The following TRABD2A variants were observed in gnomAD, a reference collection of about 807,000 sequenced individuals.
TRABD2A encodes the protein TraB domain containing 2A, also known as metalloprotease TIKI1.
Under a neutral mutation model 45.6 loss-of-function variants are expected in TRABD2A, and 43 were observed. The ratio of observed to expected loss-of-function variants is 0.94; its 90% CI spans 0.74 to 1.22. The LOEUF is 1.22. TRABD2A is among the 50% of genes most tolerant of loss of function. The probability of loss-of-function intolerance (pLI) is 0.00; values close to 1 mark genes in which losing one functional copy is unlikely to be tolerated. For synonymous variants in TRABD2A, 269 were observed against 265.0 expected (o/e 1.02, Z -0.15); for missense variants, 642 against 652.4 (o/e 0.98, Z 0.17).
At chr2:84,845,338 C>T (rs992367793) in intron 2 of TRABD2A, among the ~76,000 whole-genome samples, 8 of 152,158 alleles carry the variant, frequency 5.3e-5, no homozygotes, top group Non-Finnish European at 1.0e-4. Flanking sequence ...GGCAACAGAG[C>T]AAGATTCCTT....
At position 84,821,934 on chromosome 2, in the gene TRABD2A, C is replaced by G; in HGVS notation, c.1501G>C (p.Glu501Gln). The G allele has an allele frequency of 6.2e-7, 1 of 1,602,364 alleles. No homozygotes were observed. The highest frequency in any genetic ancestry group is 8.5e-7 in the Non-Finnish European group (1 of 1,174,294). Residue 501 changes from glutamate (E) to glutamine (Q), a missense_variant, in exon 7 of 7, where the codon GAG (glutamate) becomes CAG (glutamine). By Grantham distance (29) the Glu-to-Gln change is conservative (BLOSUM62 2). Coordinates refer to ENST00000409520, the MANE Select transcript of TRABD2A (RefSeq NM_001277053.2). ...TCCAGTCGTTACAGGAGGGGTGTCT[C>G]TGTTTGGAAAGCCAGCACCAGCACC... ...FWVLVLAFQT[E>Q]TPLL
chr2:84,822,037 G>A lies in TRABD2A; in HGVS notation c.1398C>T (p.Leu466=). The change falls in exon 7 of 7, where the codon CTC becomes CTT. Residue 466 remains leucine, a synonymous_variant. Transcript: ENST00000409520. ...LDRHISTELR[L]PRRGHSHHSQ... ...TGTGGTGGGAATGCCCACGGCGAGG[G>A]AGCCGCAGTTCAGTGGAGATGTGCC... 1 of 1,592,024 alleles carries A rather than the reference G, an allele frequency of 6.3e-7. No homozygotes were observed. Among genetic ancestry groups the A allele is most frequent in the Non-Finnish European group, 8.6e-7 (1 of 1,169,524 alleles).
intron 2 of TRABD2A, among the ~76,000 whole-genome samples, chr2:84,848,700 C>T (rs887746962): frequency 2.0e-4 from 31 of 151,824 alleles, no homozygotes; most frequent in African/African-American, 6.0e-4. Flanking sequence ...CTCAGCCACC[C>T]GAGTAGCTGG....
At chr2:84,828,788 C>G (rs577998855) in intron 5 of TRABD2A, among the ~76,000 whole-genome samples, 4 of 152,156 alleles carry the variant, frequency 2.6e-5, no homozygotes, top group African/African-American at 9.7e-5. Context: ...GATCCTTGTC[C>G]GGAAGGCTCT....
At chr2:84,865,232 A>AG (rs1682638748) in intron 2 of TRABD2A, among the ~76,000 whole-genome samples, 1 of 152,140 alleles carries the variant, frequency 6.6e-6, no homozygotes, top group African/African-American at 2.4e-5. Flanking sequence ...GTGGGGAAAA[A>AG]AAAAGAGAAA....
intron 2 of TRABD2A, among the ~76,000 whole-genome samples, chr2:84,852,528 G>A (rs1175548939): frequency 5.9e-5 from 9 of 152,168 alleles, no homozygotes; most frequent in Admixed American, 5.9e-4. Context: ...TGACCATGAG[G>A]TGGCAGGAGT....
chr2:84,846,860 T>C (rs1681914362), intron 2 of TRABD2A, among the ~76,000 whole-genome samples: 1 of 152,190 alleles, frequency 6.6e-6, no homozygotes, highest in Non-Finnish European at 1.5e-5. Flanking sequence ...GCCAGAATAC[T>C]CCCCTGATGA....
At chr2:84,848,565 A>G (rs1681984220) in intron 2 of TRABD2A, among the ~76,000 whole-genome samples, 1 of 148,508 alleles carries the variant, frequency 6.7e-6, no homozygotes, top group African/African-American at 2.5e-5. Flanking sequence ...TATATTACAT[A>G]TATAGAGAGA....
rs189690664 is a variant in TRABD2A at position 84,825,220 on chromosome 2, A to G, written c.1083-1016T>C. On this transcript the variant is annotated intron_variant, in intron 5 of 6. Coordinates refer to ENST00000409520, the MANE Select transcript of TRABD2A (RefSeq NM_001277053.2). Reference sequence around the variant, plus strand: ...AATGATGTAGGTGCCACTGACCAGCACATGTAAGAACTCAATTACTTAGCC... The same window carrying G: ...AATGATGTAGGTGCCACTGACCAGCGCATGTAAGAACTCAATTACTTAGCC... Among the ~76,000 whole-genome samples, 15 of 152,312 alleles carry G rather than the reference A, an allele frequency of 9.8e-5. No individual in the cohort carries two copies. The East Asian group carries it at 2.9e-3, about 29-fold the overall frequency.
chr2:84,859,215 A>G (rs4832118), intron 2 of TRABD2A, among the ~76,000 whole-genome samples: 21,969 of 152,204 alleles, frequency 0.14, 2,072 homozygotes, highest in African/African-American at 0.27. Context: ...CAGAAGAGAA[A>G]AAGTCAGGGT....
chr2:84,868,379 T>C (rs1443634334), intron 2 of TRABD2A, among the ~76,000 whole-genome samples: 1 of 136,796 alleles, frequency 7.3e-6, no homozygotes, highest in Non-Finnish European at 1.5e-5. Flanking sequence ...AGGTGGGAAT[T>C]GAACAATGAG....
chr2:84,868,312 C>G (rs1305551281), intron 2 of TRABD2A, among the ~76,000 whole-genome samples: 1 of 152,064 alleles, frequency 6.6e-6, no homozygotes, highest in Non-Finnish European at 1.5e-5. Flanking sequence ...TGGAAACCAT[C>G]ATTCTCAGCA....
intron 1 of TRABD2A, among the ~76,000 whole-genome samples, chr2:84,871,550 T>C (rs1682873039): frequency 6.6e-6 from 1 of 152,018 alleles, no homozygotes; most frequent in South Asian, 2.1e-4. Flanking sequence ...GGCGCAATCC[T>C]GGCTCACTTC....
chr2:84,840,794 T>C (rs1000007927), intron 3 of TRABD2A, among the ~76,000 whole-genome samples: 7 of 152,226 alleles, frequency 4.6e-5, no homozygotes, highest in Non-Finnish European at 1.0e-4. Context: ...TGTTCTCCCT[T>C]TCCTCCTGCT....
chr2:84,854,306 T>C (rs1432150738), intron 2 of TRABD2A, among the ~76,000 whole-genome samples: 1 of 152,106 alleles, frequency 6.6e-6, no homozygotes, highest in Non-Finnish European at 1.5e-5. Flanking sequence ...CCATGGATAC[T>C]GAGGGACAAC....
At chr2:84,879,757 T>A in intron 1 of TRABD2A, 1 of 254,518 alleles carries the variant, frequency 3.9e-6, no homozygotes, top group South Asian at 1.5e-4. Context: ...CTGCCGCGCC[T>A]CCTGCCTTGG....
chr2:84,855,981 G>A (rs760900345), intron 2 of TRABD2A, among the ~76,000 whole-genome samples: 3 of 152,218 alleles, frequency 2.0e-5, no homozygotes, highest in Admixed American at 6.5e-5. Flanking sequence ...CCCATTACGC[G>A]GCTCACAGTG....
intron 4 of TRABD2A, chr2:84,832,762 T>C (rs1681381329): frequency 6.6e-6 from 1 of 151,848 alleles, no homozygotes; most frequent in African/African-American, 2.4e-5. Flanking sequence ...ATCATGCCAC[T>C]GCATTCCAGC....
At chr2:84,877,167 T>C (rs1683051593) in intron 1 of TRABD2A, among the ~76,000 whole-genome samples, 1 of 151,442 alleles carries the variant, frequency 6.6e-6, no homozygotes, top group African/African-American at 2.4e-5. Context: ...GAAAGAAGAG[T>C]CTTCAGGACT....
Sources: allele counts gnomAD v4.1 joint callset (sites outside exome capture counted in the v4.1 genomes callset), GRCh38; gene constraint gnomAD v4.1.1; transcripts MANE v1.5; gene names NCBI Gene and HGNC (gene_info 2026-07-23, HGNC 2026-07-21).